JAKMIP1: variants seen among roughly 807,000 people sequenced by gnomAD.
JAKMIP1 encodes the protein janus kinase and microtubule interacting protein 1, also known as janus kinase and microtubule-interacting protein 1.
JAKMIP1 carries 33 observed loss-of-function variants against 113.0 expected under a neutral mutation model. The ratio of observed to expected loss-of-function variants is 0.29; its 90% CI spans 0.22 to 0.39. JAKMIP1 has a LOEUF of 0.39. Ranked by LOEUF, JAKMIP1 falls within the 10% of genes least tolerant of loss-of-function variation. The pLI, the probability that JAKMIP1 is intolerant of heterozygous loss-of-function variation, is 1.00. For synonymous variants in JAKMIP1, 480 were observed against 459.9 expected, an observed-to-expected ratio of 1.04 and a Z score of -0.56; for missense variants, 813 against 1,080.5, an observed-to-expected ratio of 0.75 and a Z score of 3.47.
intron 7 of JAKMIP1, among the ~76,000 whole-genome samples, chr4:6,079,602 A>C (rs886822968): frequency 1.3e-5 from 2 of 152,200 alleles, no homozygotes; most frequent in Non-Finnish European, 2.9e-5. Flanking sequence ...CTGTTGCCGA[A>C]GTTCCTTTCA....
Position 6,150,341 on chromosome 4 carries a change from A to C in JAKMIP1, c.-147-37344T>G, listed in dbSNP as rs1721414001. 6.6e-6 allele frequency: 1 copy of C among 152,252 alleles called. No individual in the cohort carries two copies. The highest frequency in any genetic ancestry group is 1.5e-5 in the Non-Finnish European group (1 of 68,086). The allele number at this position is 152,252 out of a possible 1,614,324, so 9.4% of individuals were successfully genotyped here. A position where few individuals can be genotyped will look rare whatever the true frequency, so the allele number is the denominator to read the frequency against. ...GAGAAACACCTCAGAGAAAGCAAGCAGACTGCGGAGACCAGGGGCTGAGGT... is the reference window on the plus strand; with the variant it reads ...GAGAAACACCTCAGAGAAAGCAAGCCGACTGCGGAGACCAGGGGCTGAGGT... On this transcript the variant is annotated intron_variant, in intron 1 of 20. Transcript: ENST00000409021. This position sits in a 1 kb window ranked among gnomAD's most constrained non-coding sequence, Gnocchi z 4.8.
At position 6,067,185 on chromosome 4, in the gene JAKMIP1, G is replaced by T. The variant is rs1718224851; in HGVS notation, c.1303-2177C>A. On this transcript the variant is annotated intron_variant, in intron 8 of 20. Transcript: ENST00000409021. The surrounding 1 kb of genome is among the most constrained non-coding windows in gnomAD (Gnocchi z 4.6). ...CTTCCCCCTACCCCTTGAAATGGAAGCTCCATGAAGACAGGGGGTTGGCCC... is the reference window on the plus strand; with the variant it reads ...CTTCCCCCTACCCCTTGAAATGGAATCTCCATGAAGACAGGGGGTTGGCCC... 6.6e-6 allele frequency among the ~76,000 whole-genome samples: 1 copy of T among 152,178 alleles called. No individual in the cohort carries two copies. Among genetic ancestry groups the T allele is most frequent in the Admixed American group, 6.5e-5 (1 of 15,288 alleles).
chr4:6,149,200 C>T (rs1416447807), intron 1 of JAKMIP1, among the ~76,000 whole-genome samples: 1 of 152,188 alleles, frequency 6.6e-6, no homozygotes, highest in Non-Finnish European at 1.5e-5. Flanking sequence ...TTTTTAACTA[C>T]ATACAATTAA....
rs137865774 is a variant in JAKMIP1 at position 6,135,025 on chromosome 4, C to G, written c.-147-22028G>C. On this transcript the variant is annotated intron_variant, in intron 1 of 20. Coordinates refer to ENST00000409021, the MANE Select transcript of JAKMIP1 (RefSeq NM_001099433.2). The surrounding 1 kb of genome is among the most constrained non-coding windows in gnomAD (Gnocchi z 4.9). Reference sequence around the variant, plus strand: ...GCAGGCCCTGGACATGTAGAGATGGCAGGTGTAGGGCTCGTGTATCTCTGG... The same window carrying G: ...GCAGGCCCTGGACATGTAGAGATGGGAGGTGTAGGGCTCGTGTATCTCTGG... 4.4e-4 allele frequency among the ~76,000 whole-genome samples: 67 copies of G among 152,274 alleles called. 1 individual carries two copies. The highest frequency in any genetic ancestry group is 3.4e-3 in the Middle Eastern group (1 of 294).
chr4:6,042,285 C>T lies in JAKMIP1; in HGVS notation c.2029-58G>A. 1 of 1,380,274 alleles carries T rather than the reference C, an allele frequency of 7.2e-7. No individual in the cohort carries two copies. Among genetic ancestry groups the T allele is most frequent in the Admixed American group, 1.7e-5 (1 of 59,360 alleles). The allele number at this position is 1,380,274 out of a possible 1,614,324, so 85.5% of individuals were successfully genotyped here. ...AAAGTGAGAGTCAGAACCCAAGGGG[C>T]TGTGGAATTTCACAGGTGTGTGAAT... On this transcript the variant is annotated intron_variant, in intron 16 of 20. Transcript: ENST00000409021. The surrounding 1 kb of genome is among the most constrained non-coding windows in gnomAD (Gnocchi z 5.2).
chr4:6,113,094 G>C, intron 1 of JAKMIP1, 97 bp from the exon 2 acceptor site: 1 of 538,218 alleles, frequency 1.9e-6, no homozygotes, highest in Non-Finnish European at 3.2e-6. Context: ...GCCTCATCTG[G>C]AGCATGACCT....
chr4:6,072,328 T>G (rs1428022994), intron 8 of JAKMIP1, among the ~76,000 whole-genome samples: 4 of 152,200 alleles, frequency 2.6e-5, no homozygotes, highest in African/African-American at 4.8e-5. Context: ...TAAAATAAAC[T>G]TCTAAATTGA....
In JAKMIP1 at chr4:6,085,574, C is replaced by T. The variant is rs1333775672; in HGVS notation, c.680G>A (p.Gly227Asp). 1 of 1,614,234 alleles carries T rather than the reference C, an allele frequency of 6.2e-7. No individual in the cohort carries two copies. The highest frequency in any genetic ancestry group is 1.7e-5 in the Admixed American group (1 of 60,032). ...RVILALEKEL[G>D]VQAGQTQKLL... ...CTTCTGGGTCTGCCCAGCCTGCACG[C>T]CAAGTTCCTTCTCCAAGGCCAGAAT... Residue 227 changes from glycine (G) to aspartate (D), a missense_variant, in exon 4 of 21, where the codon GGC becomes GAC. Physicochemically the swap from Gly to Asp is moderately conservative, Grantham distance 94 (BLOSUM62 -1). Coordinates refer to ENST00000409021, the MANE Select transcript of JAKMIP1 (RefSeq NM_001099433.2).
Position 6,081,580 on chromosome 4 carries a change from G to C in JAKMIP1, c.1101+29C>G, listed in dbSNP as rs1169206179. The stretch of plus-strand genomic sequence containing the variant: ...ATCCCAGACAGAGAAGGGAGTGTCA[G>C]GGCTGTCCCCAAGGGGTCCACAGCT... On this transcript the variant is annotated intron_variant, in intron 6 of 20. Coordinates refer to ENST00000409021, the MANE Select transcript of JAKMIP1 (RefSeq NM_001099433.2). This position sits in a 1 kb window ranked among gnomAD's most constrained non-coding sequence, Gnocchi z 4.6. 1.2e-6 allele frequency: 2 copies of C among 1,613,432 alleles called. No individual in the cohort carries two copies. Among genetic ancestry groups the C allele is most frequent in the South Asian group, 1.1e-5 (1 of 90,930 alleles).
chr4:6,182,356 C>T (rs902107836), intron 1 of JAKMIP1, among the ~76,000 whole-genome samples: 2 of 137,274 alleles, frequency 1.5e-5, no homozygotes, highest in African/African-American at 5.5e-5. Context: ...CTGCAATGAA[C>T]AGTGATTACA....
At position 6,179,213 on chromosome 4, in the gene JAKMIP1, G is replaced by A. The variant is rs552885896; in HGVS notation, c.-148+21040C>T. ...ACCTGGGCAGCCCTATGTGGCTGGA[G>A]AGAGGGTGAGATTCTCATCTCAAAG... On this transcript the variant is annotated intron_variant, in intron 1 of 20. Coordinates refer to ENST00000409021, the MANE Select transcript of JAKMIP1 (RefSeq NM_001099433.2). The surrounding 1 kb of genome is among the most constrained non-coding windows in gnomAD (Gnocchi z 4.5). Among the ~76,000 whole-genome samples, 19 of 152,318 alleles carry A rather than the reference G, an allele frequency of 1.2e-4. No homozygotes were observed. The South Asian group carries it at 1.7e-3, about 13-fold the overall frequency.
At chr4:6,173,088 A>T (rs1462179532) in intron 1 of JAKMIP1, among the ~76,000 whole-genome samples, 1 of 152,190 alleles carries the variant, frequency 6.6e-6, no homozygotes, top group African/African-American at 2.4e-5. Flanking sequence ...CAAGATGTTC[A>T]CGCCTATCTG....
intron 8 of JAKMIP1, among the ~76,000 whole-genome samples, chr4:6,068,715 A>G (rs932533338): frequency 2.0e-5 from 3 of 151,938 alleles, no homozygotes; most frequent in African/African-American, 7.3e-5. Context: ...GTGCCACCAC[A>G]TCTGGCTAAT....
At position 6,080,548 on chromosome 4, in the gene JAKMIP1, GCGGTTTCTCT is replaced by G. The variant is rs1720356337; in HGVS notation, c.1102-246_1102-237del. Among the ~76,000 whole-genome samples the G allele has an allele frequency of 6.6e-6, 1 of 152,104 alleles. No homozygotes were observed. The highest frequency in any genetic ancestry group is 1.5e-5 in the Non-Finnish European group (1 of 68,026). On this transcript the variant is annotated intron_variant, in intron 6 of 20. Coordinates refer to ENST00000409021, the MANE Select transcript of JAKMIP1 (RefSeq NM_001099433.2). The surrounding 1 kb of genome is among the most constrained non-coding windows in gnomAD (Gnocchi z 6.0). Reference sequence around the variant, plus strand: ...GGTGGGAGATCATTGAATCATGGTGGCGGTTTCTCTCATACTATTCTCGTGGTTGTGAATA... The same window carrying G: ...GGTGGGAGATCATTGAATCATGGTGGCATACTATTCTCGTGGTTGTGAATA...
At chr4:6,151,970 G>A (rs1222700485) in intron 1 of JAKMIP1, among the ~76,000 whole-genome samples, 1 of 152,138 alleles carries the variant, frequency 6.6e-6, no homozygotes, top group Non-Finnish European at 1.5e-5. Flanking sequence ...CTTTTACTTG[G>A]TAACCACTAC....
At chr4:6,125,559 A>T (rs957430869) in intron 1 of JAKMIP1, among the ~76,000 whole-genome samples, 2 of 151,576 alleles carry the variant, frequency 1.3e-5, no homozygotes, top group Non-Finnish European at 1.5e-5. Flanking sequence ...TGCAGGTACC[A>T]TACAGAAACA....
intron 1 of JAKMIP1, among the ~76,000 whole-genome samples, chr4:6,115,815 G>T (rs1312810603): frequency 1.3e-5 from 2 of 152,222 alleles, no homozygotes; most frequent in East Asian, 3.8e-4. Flanking sequence ...CACAGGAGCA[G>T]CCCACCGGCC....
Position 6,050,481 on chromosome 4 carries a change from A to C in JAKMIP1, c.1908+97T>G, listed in dbSNP as rs551703457. ...TTCAACACAAGGGGTATCTCATGAA[A>C]ATCAATTCTATCCCAGCACTCCCCC... On this transcript the variant is annotated intron_variant, in intron 14 of 20. Transcript: ENST00000409021. The surrounding 1 kb of genome is among the most constrained non-coding windows in gnomAD (Gnocchi z 7.4). The C allele has an allele frequency of 3.0e-5, 25 of 822,072 alleles. No homozygotes were observed. The South Asian group carries it at 3.8e-4, about 12-fold the overall frequency. The allele number at this position is 822,072 out of a possible 1,614,324, so 50.9% of individuals were successfully genotyped here.
intron 3 of JAKMIP1, among the ~76,000 whole-genome samples, chr4:6,095,893 C>T (rs1711655869): frequency 6.6e-6 from 1 of 152,148 alleles, no homozygotes; most frequent in African/African-American, 2.4e-5. Context: ...GGGGAAAACA[C>T]ACAAGAAATA....
Sources: allele counts gnomAD v4.1 joint callset (sites outside exome capture counted in the v4.1 genomes callset), GRCh38; gene constraint gnomAD v4.1.1; non-coding constraint Gnocchi (gnomAD v3.1); transcripts MANE v1.5; gene names NCBI Gene and HGNC (gene_info 2026-07-23, HGNC 2026-07-21).